Variants in USP10 observed in about 807,000 individuals in gnomAD.
USP10 encodes the protein ubiquitin carboxyl-terminal hydrolase 10.
Under a neutral mutation model 84.5 loss-of-function variants are expected in USP10, and 22 were observed. That is an observed-to-expected ratio of 0.26 (90% CI 0.19 to 0.37). USP10 has a LOEUF of 0.37. Ranked by LOEUF, USP10 falls within the 10% of genes least tolerant of loss-of-function variation. The pLI is 1.00. For missense variants in USP10, 1,019 were observed against 998.9 expected (o/e 1.02, Z -0.27); for synonymous variants, 454 against 387.6 (o/e 1.17, Z -2.01).
chr16:84,715,295 A>C (rs1906867391), intron 1 of USP10, among the ~76,000 whole-genome samples: 1 of 152,222 alleles, frequency 6.6e-6, no homozygotes, highest in Non-Finnish European at 1.5e-5. Flanking sequence ...CTATTGCTGT[A>C]GATATCCAGG....
At position 84,779,316 on chromosome 16, in the gene USP10, T is replaced by C. The variant is rs1172895980; in HGVS notation, c.*234T>C. The C allele has an allele frequency of 2.7e-5, 11 of 401,410 alleles. No individual in the cohort carries two copies. Among genetic ancestry groups the C allele is most frequent in the Non-Finnish European group, 1.3e-5 (3 of 226,016 alleles). The allele number at this position is 401,410 out of a possible 1,614,324, so 24.9% of individuals were successfully genotyped here. A position where few individuals can be genotyped will look rare whatever the true frequency, so the allele number is the denominator to read the frequency against. On this transcript the variant is annotated 3_prime_UTR_variant, in exon 14 of 14. Coordinates refer to ENST00000219473, the MANE Select transcript of USP10 (RefSeq NM_005153.3). ...CAGACTGTTGCTTGATTTTAGAAAA[T>C]ACACAAAAACCCATATTTCTGAAAT...
intron 10 of USP10, among the ~76,000 whole-genome samples, chr16:84,764,806 G>A (rs1393196974): frequency 6.6e-6 from 1 of 151,480 alleles, no homozygotes; most frequent in East Asian, 1.9e-4. Flanking sequence ...CTCCAGCATG[G>A]GTGACAGAGT....
In USP10 at chr16:84,745,523, G is replaced by C; in HGVS notation, c.1042G>C (p.Asp348His). 6.2e-7 allele frequency: 1 copy of C among 1,613,380 alleles called. No individual in the cohort carries two copies. The highest frequency in any genetic ancestry group is 8.5e-7 in the Non-Finnish European group (1 of 1,179,586). Residue 348 changes from aspartate (D) to histidine (H), a missense_variant, in exon 4 of 14, where the codon GAT (aspartate) becomes CAT (histidine). By Grantham distance (81) the Asp-to-His change is moderately conservative. Coordinates refer to ENST00000219473, the MANE Select transcript of USP10 (RefSeq NM_005153.3). ...CAAGTCCTGGGCCAGCCTCTTTCAT[G>C]ATTCTAAGCCCTCTTCCTCCTCGCC... ...QPKSWASLFH[D>H]SKPSSSSPVA...
intron 6 of USP10, 121 bp downstream of exon 6, chr16:84,759,593 T>C (rs1051196666): frequency 4.1e-6 from 4 of 968,872 alleles, no homozygotes; most frequent in African/African-American, 1.7e-5. Context: ...TCTGTCTTTT[T>C]TTAAAAATAG....
In USP10 at chr16:84,775,238, G is replaced by A. The variant is rs776924439; in HGVS notation, c.2209+13G>A. On this transcript the variant is annotated intron_variant, in intron 13 of 13. Transcript: ENST00000219473. ...CGGCTCTTTGCAGGTGAGTAAATTT[G>A]TACGACATTACTTCTTCATTAAAAC... The A allele has an allele frequency of 6.2e-6, 10 of 1,612,096 alleles. No individual in the cohort carries two copies. Among genetic ancestry groups the A allele is most frequent in the Non-Finnish European group, 8.5e-6 (10 of 1,178,190 alleles).
chr16:84,728,604 C>T (rs2150791032), intron 1 of USP10, among the ~76,000 whole-genome samples: 1 of 152,300 alleles, frequency 6.6e-6, no homozygotes, highest in East Asian at 1.9e-4. Context: ...GCTGGGATTA[C>T]AGGCGTGAGC....
intron 11 of USP10, among the ~76,000 whole-genome samples, chr16:84,770,651 A>C (rs1476805732): frequency 1.3e-5 from 2 of 151,910 alleles, no homozygotes; most frequent in Non-Finnish European, 1.5e-5. Context: ...AGGCGCCTGT[A>C]ATCCCAGCTA....
At chr16:84,777,175 G>A (rs745629930) in intron 13 of USP10, among the ~76,000 whole-genome samples, 4 of 152,318 alleles carry the variant, frequency 2.6e-5, no homozygotes, top group South Asian at 2.1e-4. Flanking sequence ...GGTTCTCAGC[G>A]CTCCTGTCAG....
intron 4 of USP10, among the ~76,000 whole-genome samples, chr16:84,757,396 G>GTGTGTGTGTGTGTGTGT (rs11373011): frequency 7.9e-6 from 1 of 127,366 alleles, no homozygotes; most frequent in Non-Finnish European, 1.6e-5. Context: ...GAATGAGAGG[G>GTGTGTGTGTGTGTGTGT]GTGGGGGTGT....
intron 8 of USP10, 30 bp downstream of exon 8, chr16:84,760,305 C>G (rs1367398158): frequency 6.4e-7 from 1 of 1,552,576 alleles, no homozygotes; most frequent in Non-Finnish European, 8.8e-7. Flanking sequence ...TCACTAGTAT[C>G]AAGTGTTGCC....
intron 9 of USP10, 38 bp downstream of exon 9, chr16:84,763,126 G>A (rs1913402080): frequency 7.0e-7 from 1 of 1,432,414 alleles, no homozygotes; most frequent in South Asian, 1.2e-5. Flanking sequence ...TTGTGCAAGA[G>A]TTCGCTGTAA....
chr16:84,758,087 T>A (rs1048185801), intron 4 of USP10, among the ~76,000 whole-genome samples: 1 of 152,218 alleles, frequency 6.6e-6, no homozygotes, highest in South Asian at 2.1e-4. Context: ...AGGGTGAACC[T>A]GAGGCTGAGC....
intron 1 of USP10, among the ~76,000 whole-genome samples, chr16:84,713,279 G>A (rs1358986527): frequency 6.6e-6 from 1 of 152,126 alleles, no homozygotes; most frequent in African/African-American, 2.4e-5. Context: ...GAGACCCTCT[G>A]TCTGTAGACA....
chr16:84,735,878 G>A (rs532838275), intron 2 of USP10, among the ~76,000 whole-genome samples: 1 of 152,352 alleles, frequency 6.6e-6, no homozygotes, highest in South Asian at 2.1e-4. Context: ...ATCGGATGGA[G>A]TTGTTTTCCC....
intron 1 of USP10, among the ~76,000 whole-genome samples, chr16:84,713,763 C>A (rs1906623841): frequency 6.6e-6 from 1 of 152,204 alleles, no homozygotes; most frequent in African/African-American, 2.4e-5. Context: ...CCGGGGACAC[C>A]TTGGCTCATG....
At chr16:84,704,967 T>A (rs1325288458) in intron 1 of USP10, 3 of 1,480,426 alleles carry the variant, frequency 2.0e-6, no homozygotes, top group Non-Finnish European at 2.7e-6. Context: ...GCATGTGGAG[T>A]GCGGGCCCAG....
chr16:84,750,796 C>G (rs939180807), intron 4 of USP10, among the ~76,000 whole-genome samples: 6 of 152,132 alleles, frequency 3.9e-5, no homozygotes, highest in African/African-American at 9.7e-5. Flanking sequence ...AGTTAAAATT[C>G]CAGTGAGAGA....
At chr16:84,776,995 T>C (rs1318042199) in intron 13 of USP10, among the ~76,000 whole-genome samples, 1 of 152,208 alleles carries the variant, frequency 6.6e-6, no homozygotes, top group Non-Finnish European at 1.5e-5. Flanking sequence ...GTATTTTGAA[T>C]AGAGACGAGG....
At chr16:84,737,201 C>T (rs533747374) in intron 2 of USP10, among the ~76,000 whole-genome samples, 2 of 152,350 alleles carry the variant, frequency 1.3e-5, no homozygotes, top group East Asian at 3.9e-4. Flanking sequence ...ACATGACCTT[C>T]CTATAGCCAC....
Sources: allele counts gnomAD v4.1 joint callset (sites outside exome capture counted in the v4.1 genomes callset), GRCh38; gene constraint gnomAD v4.1.1; transcripts MANE v1.5; gene names NCBI Gene and HGNC (gene_info 2026-07-23, HGNC 2026-07-21).